The following RBMS3 variants were observed in gnomAD, a reference collection of about 807,000 sequenced individuals.
RBMS3 encodes the protein RNA-binding motif, single-stranded-interacting protein 3.
A neutral mutation model predicts 66.8 loss-of-function variants in RBMS3; 27 were observed. That is an observed-to-expected ratio of 0.40 (90% CI 0.30 to 0.56). The LOEUF is 0.56. Among genes scored for constraint, RBMS3 ranks in the 20% least tolerant of loss-of-function variants. The pLI is 0.40. For synonymous variants in RBMS3, 188 were observed against 183.0 expected, an observed-to-expected ratio of 1.03 and a Z score of -0.22; for missense variants, 513 against 549.5, an observed-to-expected ratio of 0.93 and a Z score of 0.66.
intron 6 of RBMS3, among the ~76,000 whole-genome samples, chr3:29,860,818 A>C (rs2059193717): frequency 6.6e-6 from 1 of 152,202 alleles, no homozygotes. Context: ...TTTAATGTAC[A>C]AGTCACCCAG....
chr3:29,301,787 T>C (rs1056031553), intron 1 of RBMS3, among the ~76,000 whole-genome samples: 4 of 151,998 alleles, frequency 2.6e-5, no homozygotes, highest in Non-Finnish European at 4.4e-5. Context: ...TAAAACTGAT[T>C]TATGTTTCTT....
At chr3:29,967,396 A>G (rs1696921242) in intron 12 of RBMS3, among the ~76,000 whole-genome samples, 1 of 152,130 alleles carries the variant, frequency 6.6e-6, no homozygotes, top group South Asian at 2.1e-4. Flanking sequence ...CCCGAGTTCA[A>G]GTGCTTCTCC....
chr3:29,448,332 G>A (rs1339694108), intron 2 of RBMS3, among the ~76,000 whole-genome samples: 1 of 152,192 alleles, frequency 6.6e-6, no homozygotes, highest in African/African-American at 2.4e-5. Flanking sequence ...GATAATGAAT[G>A]ACACCTCTGA....
chr3:29,361,502 T>C (rs1451368687), intron 1 of RBMS3, among the ~76,000 whole-genome samples: 3 of 152,214 alleles, frequency 2.0e-5, no homozygotes, highest in African/African-American at 7.2e-5. Flanking sequence ...ATTTCAACTT[T>C]GGCGAATCTG....
At chr3:29,302,463 G>A (rs1479988585) in intron 1 of RBMS3, among the ~76,000 whole-genome samples, 2 of 151,974 alleles carry the variant, frequency 1.3e-5, no homozygotes, top group African/African-American at 4.8e-5. Context: ...CTTTCATCAT[G>A]TGATTGGAAA....
At chr3:29,373,804 TA>T (rs1167580004) in intron 1 of RBMS3, among the ~76,000 whole-genome samples, 5 of 152,162 alleles carry the variant, frequency 3.3e-5, no homozygotes, top group Admixed American at 6.5e-5. Context: ...AAGGGTTGTA[TA>T]GGGGTGGGTA....
chr3:29,822,154 AT>A (rs2058091322), intron 6 of RBMS3, among the ~76,000 whole-genome samples: 1 of 151,970 alleles, frequency 6.6e-6, no homozygotes, highest in African/African-American at 2.4e-5. Flanking sequence ...TTTTTTTCAC[AT>A]TTGCTCCAAC....
chr3:29,533,834 A>G (rs1308179392), intron 3 of RBMS3, among the ~76,000 whole-genome samples: 1 of 152,206 alleles, frequency 6.6e-6, no homozygotes, highest in African/African-American at 2.4e-5. Flanking sequence ...ATTTCTTACT[A>G]TAAAGTTTAA....
intron 1 of RBMS3, among the ~76,000 whole-genome samples, chr3:29,332,680 A>G (rs1269652139): frequency 6.6e-6 from 1 of 152,178 alleles, no homozygotes; most frequent in Non-Finnish European, 1.5e-5. Context: ...GTGTTTGCAC[A>G]TATTTGGTGC....
chr3:29,417,413 T>A (rs1410626139), intron 1 of RBMS3, among the ~76,000 whole-genome samples: 1 of 151,986 alleles, frequency 6.6e-6, no homozygotes, highest in Non-Finnish European at 1.5e-5. Flanking sequence ...CCACGTAGAG[T>A]TAAATATCTG....
chr3:29,479,241 G>T (rs1213373620), intron 2 of RBMS3, among the ~76,000 whole-genome samples: 3 of 151,436 alleles, frequency 2.0e-5, no homozygotes, highest in African/African-American at 7.3e-5. Context: ...TATGTATACT[G>T]CTCTCTGTCA....
intron 3 of RBMS3, among the ~76,000 whole-genome samples, chr3:29,544,272 A>C (rs528970208): frequency 5.3e-5 from 8 of 152,188 alleles, no homozygotes; most frequent in Non-Finnish European, 1.0e-4. Flanking sequence ...GAAGGACATT[A>C]GGGGAAGTCT....
At chr3:29,597,365 T>A in intron 4 of RBMS3, among the ~76,000 whole-genome samples, 1 of 152,178 alleles carries the variant, frequency 6.6e-6, no homozygotes. Flanking sequence ...TGGTTTTGTG[T>A]GCATGCTATA....
chr3:29,786,356 A>T (rs921493476), intron 6 of RBMS3, among the ~76,000 whole-genome samples: 3 of 152,172 alleles, frequency 2.0e-5, no homozygotes, highest in Admixed American at 6.5e-5. Context: ...CCTAAAATTC[A>T]TATGGAACCA....
At chr3:29,462,938 T>A (rs1455724737) in intron 2 of RBMS3, among the ~76,000 whole-genome samples, 1 of 152,270 alleles carries the variant, frequency 6.6e-6, no homozygotes, top group Admixed American at 6.5e-5. Flanking sequence ...TGTATATGAC[T>A]AGTGTTTTGT....
intron 6 of RBMS3, among the ~76,000 whole-genome samples, chr3:29,826,441 T>C (rs1159057200): frequency 3.3e-5 from 5 of 152,164 alleles, no homozygotes; most frequent in Non-Finnish European, 7.3e-5. Context: ...TTAGGATCTC[T>C]CCCTAATTTA....
intron 4 of RBMS3, among the ~76,000 whole-genome samples, chr3:29,739,364 G>A (rs1454062645): frequency 1.3e-5 from 2 of 151,150 alleles, no homozygotes; most frequent in African/African-American, 4.9e-5. Flanking sequence ...GCTGAAGCAG[G>A]AGAATGGCGT....
chr3:29,658,348 T>C (rs2050398403), intron 4 of RBMS3, among the ~76,000 whole-genome samples: 1 of 152,194 alleles, frequency 6.6e-6, no homozygotes, highest in Non-Finnish European at 1.5e-5. Context: ...AGTGTCATGT[T>C]AATATGGCAG....
At chr3:29,469,945 A>C (rs900849768) in intron 2 of RBMS3, among the ~76,000 whole-genome samples, 1 of 148,096 alleles carries the variant, frequency 6.8e-6, no homozygotes, top group Admixed American at 6.8e-5. Context: ...ATATATACAT[A>C]CATATTTAAA....
Sources: allele counts gnomAD v4.1 joint callset (sites outside exome capture counted in the v4.1 genomes callset), GRCh38; gene constraint gnomAD v4.1.1; transcripts MANE v1.5; gene names NCBI Gene and HGNC (gene_info 2026-07-23, HGNC 2026-07-21).